Variants in TANK observed in about 807,000 individuals in gnomAD.
TANK encodes the protein TRAF family member-associated NF-kappa-B activator.
TANK carries 15 observed loss-of-function variants against 43.6 expected under a neutral mutation model. The ratio of observed to expected loss-of-function variants is 0.34; its 90% CI spans 0.23 to 0.53. The LOEUF is 0.53. Among genes scored for constraint, TANK ranks in the 20% least tolerant of loss-of-function variants. TANK has a pLI of 0.94. For missense variants in TANK, 417 were observed against 498.6 expected, an observed-to-expected ratio of 0.84 and a Z score of 1.56; for synonymous variants, 162 against 178.2, an observed-to-expected ratio of 0.91 and a Z score of 0.73.
At chr2:161,227,101 C>T (rs1687671175) in intron 6 of TANK, 1 of 152,176 alleles carries the variant, frequency 6.6e-6, no homozygotes, top group Non-Finnish European at 1.5e-5. Context: ...TCATGCATCT[C>T]ATTTGAGTTT....
In TANK at chr2:161,235,455, A is replaced by G. The variant is rs1224813548; in HGVS notation, c.1215A>G (p.Pro405=). The G allele has an allele frequency of 9.3e-6, 15 of 1,614,024 alleles. No individual in the cohort carries two copies. Among genetic ancestry groups the G allele is most frequent in the East Asian group, 2.2e-5 (1 of 44,862 alleles). ...AATTCTGTCAAGCAGTTTTCCCACCATCCATTACATCCAGGGGGGATTTCC... is the reference window on the plus strand; with the variant it reads ...AATTCTGTCAAGCAGTTTTCCCACCGTCCATTACATCCAGGGGGGATTTCC... ...VCEFCQAVFP[P]SITSRGDFLR... is the part of the protein sequence containing the mutation. The change falls in exon 8 of 8, where the codon CCA becomes CCG. Residue 405 remains proline (P), a synonymous_variant. Transcript: ENST00000392749.
chr2:161,166,510 C>T (rs1166941186), intron 1 of TANK, among the ~76,000 whole-genome samples: 1 of 152,170 alleles, frequency 6.6e-6, no homozygotes, highest in Non-Finnish European at 1.5e-5. Flanking sequence ...CCTAACCATC[C>T]AAAAGAGAAG....
rs193240599 is a variant in TANK at position 161,178,031 on chromosome 2, A to G, written c.-49-1583A>G. 1.1e-3 allele frequency among the ~76,000 whole-genome samples: 166 copies of G among 152,194 alleles called. 1 individual carries two copies. The highest frequency in any genetic ancestry group is 3.7e-3 in the African/African-American group (155 of 41,536). On this transcript the variant is annotated intron_variant, in intron 1 of 7. Coordinates refer to ENST00000392749, the MANE Select transcript of TANK (RefSeq NM_001199135.3). ...TGGACTATAAGAAGTATTGGTGTGG[A>G]TGTGGAGAAATTGGAACCCTTATAC...
chr2:161,164,642 G>A lies in TANK; in HGVS notation c.-50+4156G>A, dbSNP rs560119516. 2.6e-5 allele frequency among the ~76,000 whole-genome samples: 4 copies of A among 152,258 alleles called. No homozygotes were observed. In the East Asian group the frequency reaches 7.7e-4, roughly 29 times the overall value. ...ATAAGTTGAGGGTAACTGGTACCAA[G>A]CCCTATGCAACTGAAAACAGGCTTT... On this transcript the variant is annotated intron_variant, in intron 1 of 7. Transcript: ENST00000392749.
intron 6 of TANK, among the ~76,000 whole-genome samples, chr2:161,228,329 C>T (rs758635105): frequency 3.3e-5 from 5 of 152,066 alleles, no homozygotes; most frequent in Admixed American, 1.3e-4. Flanking sequence ...GTTGGGAGTT[C>T]GAGACCACCC....
At chr2:161,161,037 A>AGTGGGTGGCCACCAC (rs1684406192) in intron 1 of TANK, 1 of 553,402 alleles carries the variant, frequency 1.8e-6, no homozygotes, top group South Asian at 2.2e-5. Context: ...AGGGTCACGG[A>AGTGGGTGGCCACCAC]GGGAGTGGGT....
At chr2:161,219,395 C>G (rs1211665938) in intron 4 of TANK, among the ~76,000 whole-genome samples, 1 of 151,988 alleles carries the variant, frequency 6.6e-6, no homozygotes, top group Non-Finnish European at 1.5e-5. Flanking sequence ...CCCATTTTGC[C>G]CTGGAGTTGT....
intron 1 of TANK, chr2:161,179,345 G>A: frequency 1.1e-5 from 4 of 350,100 alleles, no homozygotes; most frequent in Non-Finnish European, 1.5e-5. Context: ...TCATTTTTAG[G>A]TTAAGTTTAT....
At chr2:161,138,374 G>C (rs780731751) in intron 1 of TANK, among the ~76,000 whole-genome samples, 24 of 152,126 alleles carry the variant, frequency 1.6e-4, no homozygotes, top group Non-Finnish European at 3.1e-4. Flanking sequence ...AGGGCTTTCT[G>C]TTACTACTGC....
intron 4 of TANK, chr2:161,207,619 C>A (rs1686706743): frequency 2.0e-6 from 2 of 985,068 alleles, no homozygotes; most frequent in Non-Finnish European, 2.4e-6. Context: ...AAAAATTAGG[C>A]CTATGTTAGA....
At chr2:161,221,700 G>A (rs1029560877) in intron 4 of TANK, among the ~76,000 whole-genome samples, 3 of 150,716 alleles carry the variant, frequency 2.0e-5, no homozygotes, top group Non-Finnish European at 3.0e-5. Context: ...ATGTTAAGAG[G>A]TGCCTTTCTG....
chr2:161,222,523 G>T (rs1353225196), intron 4 of TANK, among the ~76,000 whole-genome samples: 2 of 151,996 alleles, frequency 1.3e-5, no homozygotes, highest in Admixed American at 6.6e-5. Context: ...TTAAAATGTT[G>T]CCTTTCTTCC....
chr2:161,183,871 TAAATA>T (rs1685538498), intron 2 of TANK, among the ~76,000 whole-genome samples: 1 of 151,852 alleles, frequency 6.6e-6, no homozygotes, highest in African/African-American at 2.4e-5. Context: ...AAATAAATCA[TAAATA>T]AAATAGATAT....
chr2:161,161,120 C>T, intron 1 of TANK: 1 of 1,224,844 alleles, frequency 8.2e-7, no homozygotes, highest in Non-Finnish European at 1.1e-6. Context: ...GTCCTCACGC[C>T]GGTGTAAACT....
chr2:161,220,241 A>G (rs1019925730), intron 4 of TANK, among the ~76,000 whole-genome samples: 1 of 152,250 alleles, frequency 6.6e-6, no homozygotes, highest in African/African-American at 2.4e-5. Flanking sequence ...TTTAAAGTTT[A>G]GGTTTCTTAC....
intron 1 of TANK, among the ~76,000 whole-genome samples, chr2:161,166,783 G>A (rs1285506890): frequency 1.3e-5 from 2 of 151,610 alleles, no homozygotes; most frequent in African/African-American, 2.4e-5. Context: ...GGGACAGAGT[G>A]AAGCTCTGTC....
chr2:161,177,650 C>A (rs868577938), intron 1 of TANK, among the ~76,000 whole-genome samples: 1 of 151,822 alleles, frequency 6.6e-6, no homozygotes, highest in African/African-American at 2.4e-5. Context: ...AGCAATAGTA[C>A]AAACAACAAA....
chr2:161,212,124 C>A, intron 4 of TANK: 1 of 436,786 alleles, frequency 2.3e-6, no homozygotes, highest in Non-Finnish European at 3.0e-6. Context: ...GCAGTGACAC[C>A]ATCTCGGCTC....
At chr2:161,222,465 T>A (rs952536163) in intron 4 of TANK, among the ~76,000 whole-genome samples, 2 of 152,138 alleles carry the variant, frequency 1.3e-5, no homozygotes, top group East Asian at 1.9e-4. Context: ...ATAAAATCTT[T>A]TAAAAGTTTG....
Sources: gnomAD v4.1 joint callset for allele counts (sites outside exome capture counted in the v4.1 genomes callset) on GRCh38, gnomAD v4.1.1 for gene constraint, MANE v1.5 for transcripts, NCBI Gene and HGNC (gene_info 2026-07-23, HGNC 2026-07-21) for gene names.